Variants in PGBD5 observed in about 807,000 individuals in gnomAD.
The protein encoded by PGBD5 is piggyBac transposable element derived 5, also known as piggyBac transposable element-derived protein 5.
PGBD5 carries 14 observed loss-of-function variants against 47.9 expected under a neutral mutation model. The observed-to-expected ratio is 0.29, with a 90% CI of 0.19 to 0.46. The LOEUF is 0.46. Among genes scored for constraint, PGBD5 ranks in the 20% least tolerant of loss-of-function variants. The pLI is 1.00. For missense variants in PGBD5, 635 were observed against 716.0 expected (o/e 0.89, Z 1.29); for synonymous variants, 316 against 306.3 (o/e 1.03, Z -0.33).
At chr1:230,409,583 A>G (rs1657371769) in intron 1 of PGBD5, among the ~76,000 whole-genome samples, 1 of 152,232 alleles carries the variant, frequency 6.6e-6, no homozygotes, top group South Asian at 2.1e-4. Flanking sequence ...ACACTAACTG[A>G]AAGAAGCCAG....
At chr1:230,336,647 G>A (rs1188266486) in intron 4 of PGBD5, among the ~76,000 whole-genome samples, 1 of 152,176 alleles carries the variant, frequency 6.6e-6, no homozygotes, top group Non-Finnish European at 1.5e-5. Context: ...CTGAGCACCC[G>A]GAGTACCTAA....
At chr1:230,390,788 G>A (rs1363185585) in intron 1 of PGBD5, among the ~76,000 whole-genome samples, 1 of 151,984 alleles carries the variant, frequency 6.6e-6, no homozygotes. Context: ...AAAAAAGGCT[G>A]GAGTGCAGTA....
intron 1 of PGBD5, among the ~76,000 whole-genome samples, chr1:230,384,755 T>C (rs77814294): frequency 0.014 from 2,148 of 152,254 alleles, 25 homozygotes; most frequent in South Asian, 0.04. Context: ...AAAATGGGCA[T>C]TGTGTGTGTT....
intron 5 of PGBD5, among the ~76,000 whole-genome samples, chr1:230,326,004 C>T (rs769761642): frequency 6.6e-6 from 1 of 152,172 alleles, no homozygotes; most frequent in Admixed American, 6.5e-5. Flanking sequence ...ATAAATCCCC[C>T]GATAAGTGTG....
chr1:230,344,628 C>T (rs555422675), intron 3 of PGBD5, among the ~76,000 whole-genome samples: 3 of 152,328 alleles, frequency 2.0e-5, no homozygotes, highest in South Asian at 4.1e-4. Context: ...ACAGGGCACA[C>T]GGACCTCATT....
At chr1:230,415,474 T>G (rs551036781) in intron 1 of PGBD5, among the ~76,000 whole-genome samples, 1 of 152,326 alleles carries the variant, frequency 6.6e-6, no homozygotes, top group Non-Finnish European at 1.5e-5. Flanking sequence ...ACAGATTCCA[T>G]TTGCAGTTGC....
At chr1:230,360,476 G>A (rs186211311) in intron 1 of PGBD5, among the ~76,000 whole-genome samples, 4 of 152,292 alleles carry the variant, frequency 2.6e-5, no homozygotes, top group East Asian at 1.9e-4. Flanking sequence ...TAATCCCCAC[G>A]TGTTGGGGAG....
intron 1 of PGBD5, among the ~76,000 whole-genome samples, chr1:230,395,247 A>T (rs948784804): frequency 3.2e-4 from 3 of 9,522 alleles, no homozygotes; most frequent in African/African-American, 2.1e-3. Context: ...TCTCATTCCC[A>T]CCCTTCTCCC....
At position 230,357,967 on chromosome 1, in the gene PGBD5, CAT is replaced by C. The variant is rs1667682110; in HGVS notation, c.332-648_332-647del. Among the ~76,000 whole-genome samples the C allele has an allele frequency of 1.3e-5, 2 of 151,666 alleles. No individual in the cohort carries two copies. Among genetic ancestry groups the C allele is most frequent in the African/African-American group, 4.9e-5 (2 of 41,040 alleles). ...ATATACACATGCATATATACACATA[CAT>C]ACACACACATACATACATACATACA... On this transcript the variant is annotated intron_variant, in intron 1 of 6. Transcript: ENST00000391860. This position sits in a 1 kb window ranked among gnomAD's most constrained non-coding sequence, Gnocchi z 5.7.
intron 1 of PGBD5, among the ~76,000 whole-genome samples, chr1:230,393,365 C>T (rs910047146): frequency 2.6e-5 from 4 of 151,170 alleles, no homozygotes; most frequent in African/African-American, 4.9e-5. Flanking sequence ...AGACCACTGG[C>T]GGGGATGCGA....
rs191281497 is a variant in PGBD5 at position 230,323,694 on chromosome 1, C to A, written c.1380-74G>T. Reference sequence around the variant, plus strand: ...CGGAGATGCATCCCAAAGGCCCCCCCTCACCACAGCCCGTGAGACGCTGCA... The same window carrying A: ...CGGAGATGCATCCCAAAGGCCCCCCATCACCACAGCCCGTGAGACGCTGCA... On this transcript the variant is annotated intron_variant, in intron 6 of 6. Transcript: ENST00000391860. The surrounding 1 kb of genome is among the most constrained non-coding windows in gnomAD (Gnocchi z 4.1). The A allele has an allele frequency of 1.3e-3, 1,669 of 1,306,980 alleles. 15 individuals carry two copies. In the African/African-American group the frequency reaches 0.02, roughly 16 times the overall value. The allele number at this position is 1,306,980 out of a possible 1,614,324, so 81.0% of individuals were successfully genotyped here.
chr1:230,343,363 G>C (rs572759992), intron 3 of PGBD5, among the ~76,000 whole-genome samples: 1 of 152,342 alleles, frequency 6.6e-6, no homozygotes, highest in South Asian at 2.1e-4. Context: ...TTTAGGGAGA[G>C]GGTTGAATCT....
rs117956598 is a variant in PGBD5 at position 230,362,311 on chromosome 1, G to C, written c.332-4990C>G. The C allele has an allele frequency of 3.9e-3, 5,378 of 1,367,724 alleles. 78 individuals are homozygous for C. In the Admixed American group the frequency reaches 0.043, roughly 11 times the overall value. 84.7% of individuals were successfully genotyped at this position (1,367,724 alleles called of 1,614,324 possible). On this transcript the variant is annotated intron_variant, in intron 1 of 6. Transcript: ENST00000391860. Reference sequence around the variant, plus strand: ...ACTGAGTTTCCCCACGGGTGTGCAGGGCACGAGGAATGGATTATAGGGCGG... The same window carrying C: ...ACTGAGTTTCCCCACGGGTGTGCAGCGCACGAGGAATGGATTATAGGGCGG...
At chr1:230,410,803 C>CA (rs1449366492) in intron 1 of PGBD5, among the ~76,000 whole-genome samples, 18 of 151,944 alleles carry the variant, frequency 1.2e-4, no homozygotes, top group African/African-American at 3.6e-4. Context: ...GAAGATTTTA[C>CA]AAAAAAGATA....
At chr1:230,374,261 A>G (rs1175170207) in intron 1 of PGBD5, among the ~76,000 whole-genome samples, 6 of 152,108 alleles carry the variant, frequency 3.9e-5, no homozygotes, top group Non-Finnish European at 7.4e-5. Flanking sequence ...TACTAAAAAT[A>G]CAAAAATCAG....
At position 230,316,036 on chromosome 1, in the gene PGBD5, A is replaced by ATGTTT; in HGVS notation, c.*7388_*7389insAAACA. 2 of 76,834 alleles carry ATGTTT rather than the reference A, an allele frequency of 2.6e-5. 1 individual carries two copies. Among genetic ancestry groups the ATGTTT allele is most frequent in the African/African-American group, 1.0e-4 (2 of 19,606 alleles). The allele number at this position is 76,834 out of a possible 1,614,324, so 4.8% of individuals were successfully genotyped here. A position where few individuals can be genotyped will look rare whatever the true frequency, so the allele number is the denominator to read the frequency against. ...CATATATGTATGTGTATACATACAT[A>ATGTTT]AGTATATGTGTACACATATATGTAT... On this transcript the variant is annotated 3_prime_UTR_variant, in exon 7 of 7. Transcript: ENST00000391860.
chr1:230,423,644 C>T (rs1414879296), intron 1 of PGBD5, among the ~76,000 whole-genome samples: 5 of 152,180 alleles, frequency 3.3e-5, no homozygotes, highest in Admixed American at 2.0e-4. Context: ...AACCTCATCC[C>T]TCCATTCTCC....
chr1:230,403,544 G>C (rs1657197965), intron 1 of PGBD5, among the ~76,000 whole-genome samples: 1 of 152,230 alleles, frequency 6.6e-6, no homozygotes, highest in South Asian at 2.1e-4. Flanking sequence ...AGAGCCAAAG[G>C]CCTCAGGGGA....
Position 230,425,984 on chromosome 1 carries a change from C to G in PGBD5, c.-56G>C. The G allele has an allele frequency of 1.2e-6, 1 of 863,792 alleles. No individual in the cohort carries two copies. Among genetic ancestry groups the G allele is most frequent in the Non-Finnish European group, 1.4e-6 (1 of 721,742 alleles). 53.5% of individuals were successfully genotyped at this position (863,792 alleles called of 1,614,324 possible). On this transcript the variant is annotated 5_prime_UTR_variant, in exon 1 of 7. Transcript: ENST00000391860. The surrounding 1 kb of genome is among the most constrained non-coding windows in gnomAD (Gnocchi z 4.7). The stretch of plus-strand genomic sequence containing the variant: ...CACAGTGCCTCCCAGCCGCACACGC[C>G]GGGCCCTGGGCCCGCGCCGCGGCCC...
Sources: gnomAD v4.1 joint callset for allele counts (sites outside exome capture counted in the v4.1 genomes callset) on GRCh38, gnomAD v4.1.1 for gene constraint, Gnocchi (gnomAD v3.1) non-coding constraint, MANE v1.5 for transcripts, NCBI Gene and HGNC (gene_info 2026-07-23, HGNC 2026-07-21) for gene names.